Variants in DPP10 observed in about 807,000 individuals in gnomAD.
The protein encoded by DPP10 is dipeptidyl peptidase like 10.
In DPP10, 33 loss-of-function variants were observed where a neutral mutation model predicts 120.9. That is an observed-to-expected ratio of 0.27 (90% confidence interval 0.21 to 0.37). DPP10 has a LOEUF of 0.37. DPP10 is among the 10% of genes least tolerant of loss of function. The pLI is 1.00. For missense variants in DPP10, 816 were observed against 942.8 expected (o/e 0.87, Z 1.76); for synonymous variants, 337 against 326.1 (o/e 1.03, Z -0.36).
At chr2:115,550,417 A>G (rs978132466) in intron 5 of DPP10, among the ~76,000 whole-genome samples, 2 of 152,128 alleles carry the variant, frequency 1.3e-5, no homozygotes, top group African/African-American at 4.8e-5. Flanking sequence ...TGACAGCTAT[A>G]ATGAAATATC....
intron 3 of DPP10, among the ~76,000 whole-genome samples, chr2:115,466,004 G>A (rs1401795014): frequency 1.3e-5 from 2 of 151,858 alleles, no homozygotes; most frequent in Non-Finnish European, 1.5e-5. Context: ...GGTAATTACA[G>A]GTAACTATAT....
At chr2:114,646,864 T>G (rs912913528) in intron 1 of DPP10, among the ~76,000 whole-genome samples, 9 of 152,218 alleles carry the variant, frequency 5.9e-5, no homozygotes, top group Non-Finnish European at 1.0e-4. Context: ...AAAGATTCTC[T>G]CTGGAATTGC....
chr2:115,180,902 C>T (rs557294213), intron 1 of DPP10, among the ~76,000 whole-genome samples: 24 of 11,186 alleles, frequency 2.1e-3, no homozygotes, highest in Admixed American at 0.017. Flanking sequence ...CTCTCCCTCC[C>T]TCCATGCCTC....
At chr2:114,771,495 G>C (rs1231447717) in intron 1 of DPP10, among the ~76,000 whole-genome samples, 1 of 152,168 alleles carries the variant, frequency 6.6e-6, no homozygotes, top group Non-Finnish European at 1.5e-5. Context: ...TAAGAAACTT[G>C]ACTAAGCAAA....
At chr2:115,154,005 C>A (rs1375624528) in intron 1 of DPP10, among the ~76,000 whole-genome samples, 2 of 152,066 alleles carry the variant, frequency 1.3e-5, no homozygotes, top group African/African-American at 4.8e-5. Context: ...GATAAACAAG[C>A]TTATTTAATA....
chr2:114,722,824 C>T (rs1449682366), intron 1 of DPP10, among the ~76,000 whole-genome samples: 1 of 149,508 alleles, frequency 6.7e-6, no homozygotes, highest in Non-Finnish European at 1.5e-5. Context: ...AGACTATTCC[C>T]ACCTGTAAAG....
chr2:115,539,505 T>C (rs570176156), intron 5 of DPP10, among the ~76,000 whole-genome samples: 1 of 152,122 alleles, frequency 6.6e-6, no homozygotes, highest in East Asian at 1.9e-4. Context: ...CAAGGAAATC[T>C]ACCATGGGTG....
At chr2:115,720,677 T>C (rs760038721) in intron 7 of DPP10, among the ~76,000 whole-genome samples, 5 of 152,142 alleles carry the variant, frequency 3.3e-5, no homozygotes, top group Non-Finnish European at 5.9e-5. Flanking sequence ...AACCTAATAG[T>C]GATTCTGTTT....
chr2:115,686,656 G>A (rs1425484360), intron 5 of DPP10, among the ~76,000 whole-genome samples: 1 of 151,994 alleles, frequency 6.6e-6, no homozygotes, highest in Non-Finnish European at 1.5e-5. Flanking sequence ...ATGATCTTTT[G>A]ATGTTTTCTG....
At chr2:114,593,592 A>T (rs1298576984) in intron 1 of DPP10, among the ~76,000 whole-genome samples, 2 of 152,160 alleles carry the variant, frequency 1.3e-5, no homozygotes, top group Non-Finnish European at 2.9e-5. Flanking sequence ...AATATTTTTT[A>T]AATTTTATTT....
At chr2:114,693,155 G>A (rs1699870025) in intron 1 of DPP10, among the ~76,000 whole-genome samples, 1 of 151,944 alleles carries the variant, frequency 6.6e-6, no homozygotes, top group African/African-American at 2.4e-5. Flanking sequence ...AATTGTGTAT[G>A]TGGTTGCTTC....
At chr2:114,780,312 A>G (rs1682201451) in intron 1 of DPP10, among the ~76,000 whole-genome samples, 1 of 152,146 alleles carries the variant, frequency 6.6e-6, no homozygotes, top group East Asian at 1.9e-4. Flanking sequence ...TGAGAAAACA[A>G]GTGACAAATT....
chr2:115,726,995 T>C (rs1230798672), intron 7 of DPP10, among the ~76,000 whole-genome samples: 1 of 151,264 alleles, frequency 6.6e-6, no homozygotes, highest in Non-Finnish European at 1.5e-5. Context: ...CTCTGGAAGA[T>C]TATAGTACCA....
chr2:115,034,130 C>T (rs560780975), intron 1 of DPP10, among the ~76,000 whole-genome samples: 13 of 151,808 alleles, frequency 8.6e-5, no homozygotes, highest in East Asian at 1.9e-4. Flanking sequence ...CTTTTGACCT[C>T]GTGATCTGCC....
intron 1 of DPP10, among the ~76,000 whole-genome samples, chr2:115,099,070 A>C (rs1406378364): frequency 1.3e-5 from 2 of 150,334 alleles, no homozygotes; most frequent in Non-Finnish European, 3.0e-5. Flanking sequence ...GGATCACTTG[A>C]GGTCAGGAGT....
At chr2:114,834,511 A>T (rs1366508396) in intron 1 of DPP10, among the ~76,000 whole-genome samples, 1 of 151,008 alleles carries the variant, frequency 6.6e-6, no homozygotes, top group African/African-American at 2.5e-5. Context: ...GCACCTATGT[A>T]TATATAAGAC....
Position 115,452,196 on chromosome 2 carries a change from A to G in DPP10, c.272-47314A>G, listed in dbSNP as rs115640540. Among the ~76,000 whole-genome samples the G allele has an allele frequency of 7.4e-3, 1,125 of 152,040 alleles. 6 individuals are homozygous for G. The highest frequency in any genetic ancestry group is 0.025 in the African/African-American group (1,027 of 41,526). On this transcript the variant is annotated intron_variant, in intron 3 of 25. Coordinates refer to ENST00000410059, the MANE Select transcript of DPP10 (RefSeq NM_020868.6). The stretch of plus-strand genomic sequence containing the variant: ...AGTGCATTTGTGAATTGACATGCCT[A>G]TGAGACTTCTGTTGGCCTACTTTGC...
intron 22 of DPP10, 24 bp from the exon 23 acceptor site, chr2:115,836,483 A>C: frequency 1.2e-6 from 2 of 1,604,184 alleles, no homozygotes; most frequent in South Asian, 1.1e-5. Context: ...TTTCTTCTCG[A>C]ATGTCTGTTT....
chr2:114,449,152 C>T (rs865774362), intron 1 of DPP10, among the ~76,000 whole-genome samples: 1 of 152,236 alleles, frequency 6.6e-6, no homozygotes, highest in Middle Eastern at 3.4e-3. Flanking sequence ...GGAGAAATGT[C>T]TCCCTTCTTG....
Sources: gnomAD v4.1 joint callset for allele counts (sites outside exome capture counted in the v4.1 genomes callset) on GRCh38, gnomAD v4.1.1 for gene constraint, MANE v1.5 for transcripts, NCBI Gene and HGNC (gene_info 2026-07-23, HGNC 2026-07-21) for gene names.